The following NETO1 variants were observed in gnomAD, a reference collection of about 807,000 sequenced individuals.
NETO1 encodes neuropilin and tolloid-like protein 1.
A neutral mutation model predicts 61.3 loss-of-function variants in NETO1; 26 were observed. The observed-to-expected ratio is 0.42, with a 90% CI of 0.31 to 0.59. NETO1 has a LOEUF of 0.59. Ranked by LOEUF, NETO1 falls within the 20% of genes least tolerant of loss-of-function variation. The pLI is 0.12. For synonymous variants in NETO1, 225 were observed against 225.8 expected (o/e 1.00, Z 0.03); for missense variants, 531 against 662.8 (o/e 0.80, Z 2.18).
At chr18:72,767,999 A>G (rs1339233993) in intron 7 of NETO1, among the ~76,000 whole-genome samples, 3 of 152,222 alleles carry the variant, frequency 2.0e-5, no homozygotes, top group African/African-American at 7.2e-5. Context: ...TGTTTTACAG[A>G]AAGGAAATTG....
At chr18:72,845,876 G>A (rs2074065839) in intron 4 of NETO1, among the ~76,000 whole-genome samples, 1 of 152,132 alleles carries the variant, frequency 6.6e-6, no homozygotes, top group African/African-American at 2.4e-5. Context: ...TTGCAGTCTA[G>A]AAGAGAATAT....
intron 7 of NETO1, among the ~76,000 whole-genome samples, chr18:72,762,119 T>G (rs1199542671): frequency 6.6e-6 from 1 of 151,868 alleles, no homozygotes; most frequent in Non-Finnish European, 1.5e-5. Flanking sequence ...TAGAATAGGG[T>G]GGGAGATTAT....
In NETO1 at chr18:72,847,177, A is replaced by G. The variant is rs1405038372; in HGVS notation, c.469+11649T>C. Among the ~76,000 whole-genome samples the G allele has an allele frequency of 3.2e-4, 48 of 152,246 alleles. 1 individual carries two copies. The highest frequency in any genetic ancestry group is 1.5e-5 in the Non-Finnish European group (1 of 68,048). ...AAAACAGAAGAGAAGTGACATATTT[A>G]TGACTAATATATCCTCCTGCTTTAA... On this transcript the variant is annotated intron_variant, in intron 4 of 10. Transcript: ENST00000327305.
chr18:72,758,656 G>A (rs1391256810), intron 7 of NETO1, among the ~76,000 whole-genome samples: 1 of 151,992 alleles, frequency 6.6e-6, no homozygotes, highest in Non-Finnish European at 1.5e-5. Flanking sequence ...GGCCAACATG[G>A]TGAAGCCCGT....
At chr18:72,763,134 T>G (rs548245074) in intron 7 of NETO1, among the ~76,000 whole-genome samples, 2 of 140,332 alleles carry the variant, frequency 1.4e-5, no homozygotes, top group East Asian at 3.9e-4. Flanking sequence ...TAGATTTCGT[T>G]TTTTTTTTTG....
At chr18:72,825,438 A>G (rs2073343924) in intron 4 of NETO1, among the ~76,000 whole-genome samples, 1 of 151,994 alleles carries the variant, frequency 6.6e-6, no homozygotes, top group East Asian at 1.9e-4. Flanking sequence ...AATATTATTT[A>G]TTTTTACCTT....
At chr18:72,801,173 T>C (rs181926151) in intron 4 of NETO1, among the ~76,000 whole-genome samples, 181 of 152,328 alleles carry the variant, frequency 1.2e-3, no homozygotes, top group Middle Eastern at 6.8e-3. Context: ...AAGCCATGCA[T>C]TGGAAATGCG....
rs983045651 is a variant in NETO1, at chr18:72,830,487, A to G, written c.469+28339T>C. ...TAAACAAGGAGTCCAAAAAACAAAC[A>G]CAAATGACAAAAATAACAATGATCA... On this transcript the variant is annotated intron_variant, in intron 4 of 10. Transcript: ENST00000327305. This position sits in a 1 kb window ranked among gnomAD's most constrained non-coding sequence, Gnocchi z 4.9. Among the ~76,000 whole-genome samples, 2 of 152,178 alleles carry G rather than the reference A, an allele frequency of 1.3e-5. No individual in the cohort carries two copies. The highest frequency in any genetic ancestry group is 4.8e-5 in the African/African-American group (2 of 41,430).
At chr18:72,793,201 T>C (rs1162799001) in intron 6 of NETO1, among the ~76,000 whole-genome samples, 3 of 152,182 alleles carry the variant, frequency 2.0e-5, no homozygotes, top group African/African-American at 7.2e-5. Context: ...ACAGTTTCAA[T>C]CTCAATAAAT....
chr18:72,803,869 T>C (rs1177016425), intron 4 of NETO1, among the ~76,000 whole-genome samples: 2 of 151,650 alleles, frequency 1.3e-5, no homozygotes, highest in African/African-American at 2.4e-5. Flanking sequence ...ACTACATATA[T>C]ATCTCTGTTA....
In NETO1 at chr18:72,862,652, G is replaced by A. The variant is rs539069869; in HGVS notation, c.220+2156C>T. ...TTTTTTTTTTTTGAGACAGAGTCTC[G>A]CTCTGTCACCCGGGCTGGAGCGCAG... On this transcript the variant is annotated intron_variant, in intron 3 of 10. Transcript: ENST00000327305. Among the ~76,000 whole-genome samples the A allele has an allele frequency of 1.3e-4, 17 of 129,992 alleles. No individual in the cohort carries two copies. In the East Asian group the frequency reaches 1.5e-3, roughly 11 times the overall value. The allele number at this position is 129,992 out of a possible 152,430, so 85.3% of individuals were successfully genotyped here.
Position 72,748,172 on chromosome 18 carries a change from T to TA in NETO1, c.*15-9dup, listed in dbSNP as rs1280903563. ...TGTATAAATAGTTCTTCTCTGAAAA[T>TA]AAAAAACAGTTAAAACATTTTCTCC... On this transcript the variant is annotated splice_polypyrimidine_tract_variant and intron_variant, in intron 10 of 10. Transcript: ENST00000327305. The TA allele has an allele frequency of 3.1e-6, 3 of 982,510 alleles. No homozygotes were observed. The highest frequency in any genetic ancestry group is 3.5e-5 in the African/African-American group (2 of 57,150). The allele number at this position is 982,510 out of a possible 1,614,324, so 60.9% of individuals were successfully genotyped here.
intron 4 of NETO1, among the ~76,000 whole-genome samples, chr18:72,796,476 T>C (rs1198627951): frequency 6.6e-6 from 1 of 152,204 alleles, no homozygotes; most frequent in African/African-American, 2.4e-5. Flanking sequence ...GTTTTTAAAA[T>C]AGATTTTTTT....
intron 4 of NETO1, among the ~76,000 whole-genome samples, chr18:72,818,808 G>A (rs2073102966): frequency 6.6e-6 from 1 of 151,920 alleles, no homozygotes; most frequent in Non-Finnish European, 1.5e-5. Flanking sequence ...ATAGAAACAA[G>A]CAACATGTTC....
intron 3 of NETO1, among the ~76,000 whole-genome samples, chr18:72,863,836 G>T (rs1277320610): frequency 6.6e-6 from 1 of 152,040 alleles, no homozygotes; most frequent in Non-Finnish European, 1.5e-5. Context: ...GGTGCTTCCA[G>T]GTTTTAGGCT....
At position 72,746,386 on chromosome 18, in the gene NETO1, A is replaced by G. The variant is rs1375854557; in HGVS notation, c.*1793T>C. ...AGCCAAATAAAAAAGGGTACATTTT[A>G]TCATAAGCAATGTGTATAAAACTAT... On this transcript the variant is annotated 3_prime_UTR_variant, in exon 11 of 11. Coordinates refer to ENST00000327305, the MANE Select transcript of NETO1 (RefSeq NM_138966.5). Among the ~76,000 whole-genome samples, 1 of 152,170 alleles carries G rather than the reference A, an allele frequency of 6.6e-6. No individual in the cohort carries two copies. The highest frequency in any genetic ancestry group is 2.4e-5 in the African/African-American group (1 of 41,472).
intron 4 of NETO1, among the ~76,000 whole-genome samples, chr18:72,801,214 T>C (rs2072495237): frequency 6.6e-6 from 1 of 152,144 alleles, no homozygotes; most frequent in Non-Finnish European, 1.5e-5. Context: ...TATAAATGAG[T>C]ACGTGGAGTA....
At chr18:72,865,272 A>C in intron 1 of NETO1, 31 bp from the exon 2 acceptor site, 6 of 1,477,698 alleles carry the variant, frequency 4.1e-6, no homozygotes, top group Non-Finnish European at 5.7e-6. Context: ...TAGAGATAAA[A>C]TACACTGAAA....
rs1170885910 is a variant in NETO1 at position 72,793,652 on chromosome 18, C to T, written c.639+465G>A. ...CTCCTTCAAATGGGCACAGGATCTCCCAGGCCCTGTTACCATTGCTGCCAG... is the reference window on the plus strand; with the variant it reads ...CTCCTTCAAATGGGCACAGGATCTCTCAGGCCCTGTTACCATTGCTGCCAG... On this transcript the variant is annotated intron_variant, in intron 6 of 10. Transcript: ENST00000327305. 4.6e-5 allele frequency among the ~76,000 whole-genome samples: 7 copies of T among 152,242 alleles called. No individual in the cohort carries two copies. In the East Asian group the frequency reaches 1.4e-3, roughly 29 times the overall value.
Sources: allele counts gnomAD v4.1 joint callset (sites outside exome capture counted in the v4.1 genomes callset), GRCh38; gene constraint gnomAD v4.1.1; non-coding constraint Gnocchi (gnomAD v3.1); transcripts MANE v1.5; gene names NCBI Gene and HGNC (gene_info 2026-07-23, HGNC 2026-07-21).